The following RELN variants were observed in gnomAD, a reference collection of about 807,000 sequenced individuals.
The protein encoded by RELN is reelin.
RELN carries 108 observed loss-of-function variants against 427.6 expected under a neutral mutation model. The ratio of observed to expected loss-of-function variants is 0.25; its 90% CI spans 0.22 to 0.30. The LOEUF is 0.30. Ranked by LOEUF, RELN falls within the 10% of genes least tolerant of loss-of-function variation. The pLI is 1.00. For missense variants in RELN, 3,715 were observed against 4,302.8 expected, an observed-to-expected ratio of 0.86 and a Z score of 3.82; for synonymous variants, 1,524 against 1,513.4, an observed-to-expected ratio of 1.01 and a Z score of -0.16.
intron 1 of RELN, among the ~76,000 whole-genome samples, chr7:103,974,500 T>G (rs1238043736): frequency 6.8e-6 from 1 of 147,982 alleles, no homozygotes; most frequent in Admixed American, 6.7e-5. Flanking sequence ...CTACATTATC[T>G]ATAAGATTTG....
At chr7:103,863,511 T>C (rs1226075560) in intron 2 of RELN, among the ~76,000 whole-genome samples, 1 of 152,108 alleles carries the variant, frequency 6.6e-6, no homozygotes, top group Non-Finnish European at 1.5e-5. Flanking sequence ...ATGGGAGTAG[T>C]TTTTTAAACA....
chr7:103,848,648 G>C (rs369681431), intron 2 of RELN, among the ~76,000 whole-genome samples: 1 of 152,236 alleles, frequency 6.6e-6, no homozygotes, highest in African/African-American at 2.4e-5. Flanking sequence ...GTGTAAACTA[G>C]GTGACACGCC....
chr7:103,671,113 CCA>C, intron 11 of RELN, among the ~76,000 whole-genome samples: 2 of 152,220 alleles, frequency 1.3e-5, no homozygotes, highest in Non-Finnish European at 2.9e-5. Flanking sequence ...TGAAGACCTT[CCA>C]CATTCATTTA....
At chr7:103,801,474 A>C (rs1792464121) in intron 3 of RELN, among the ~76,000 whole-genome samples, 1 of 152,080 alleles carries the variant, frequency 6.6e-6, no homozygotes, top group South Asian at 2.1e-4. Context: ...GCAAACTATC[A>C]CAAGGACAGA....
rs1791933199 is a variant in RELN at position 103,783,120 on chromosome 7, C to G, written c.474-6493G>C. ...TCAATTCACCCTTTAAAATTCTTAT[C>G]CCTTTGTATCAGCAAATTACAGTAC... On this transcript the variant is annotated intron_variant, in intron 3 of 64. Transcript: ENST00000428762. 2.0e-5 allele frequency among the ~76,000 whole-genome samples: 3 copies of G among 151,264 alleles called. No homozygotes were observed. In the South Asian group the frequency reaches 6.3e-4, roughly 32 times the overall value.
At chr7:103,723,970 TA>T (rs1447058991) in intron 7 of RELN, among the ~76,000 whole-genome samples, 8 of 152,166 alleles carry the variant, frequency 5.3e-5, no homozygotes, top group Admixed American at 1.3e-4. Context: ...TCTTTAATTT[TA>T]AAATTTTATT....
chr7:103,595,335 T>C (rs1831513237), intron 25 of RELN, among the ~76,000 whole-genome samples: 1 of 152,210 alleles, frequency 6.6e-6, no homozygotes, highest in African/African-American at 2.4e-5. Flanking sequence ...CAAGGCTTCA[T>C]CTCCCACCCT....
chr7:103,534,893 C>A (rs564977056), intron 46 of RELN, among the ~76,000 whole-genome samples: 1 of 152,120 alleles, frequency 6.6e-6, no homozygotes, highest in Non-Finnish European at 1.5e-5. Flanking sequence ...TTATTTGCTA[C>A]ATTCATTTAT....
At position 103,561,566 on chromosome 7, in the gene RELN, G is replaced by A; in HGVS notation, c.5495C>T (p.Thr1832Ile). 1 of 1,613,796 alleles carries A rather than the reference G, an allele frequency of 6.2e-7. No homozygotes were observed. The highest frequency in any genetic ancestry group is 8.5e-7 in the Non-Finnish European group (1 of 1,179,790). ...GAERGNLNGE[T>I]IKSGTSLIFK... The stretch of plus-strand genomic sequence containing the variant: ...AATTAGAGATGTTCCAGATTTGATG[G>A]TTTCACCATTCAGATTCCCCCTCTC... Residue 1832 changes from threonine to isoleucine, a missense_variant, in exon 36 of 65, where the codon ACC becomes ATC. Coordinates refer to ENST00000428762, the MANE Select transcript of RELN (RefSeq NM_005045.4).
At chr7:103,723,257 GA>G in intron 7 of RELN, 66 bp from the exon 8 acceptor site, 1 of 942,770 alleles carries the variant, frequency 1.1e-6, no homozygotes, top group East Asian at 2.4e-5. Context: ...AAGATGCTGG[GA>G]GGGGTACGGG....
At chr7:103,656,225 T>C (rs1050947694) in intron 12 of RELN, among the ~76,000 whole-genome samples, 1 of 152,118 alleles carries the variant, frequency 6.6e-6, no homozygotes, top group Non-Finnish European at 1.5e-5. Flanking sequence ...TATATTTGGC[T>C]TTGAAAATAC....
intron 55 of RELN, among the ~76,000 whole-genome samples, chr7:103,497,098 A>G (rs1828865080): frequency 6.6e-6 from 1 of 152,236 alleles, no homozygotes; most frequent in Non-Finnish European, 1.5e-5. Flanking sequence ...GTTTCTAGGC[A>G]ATAGCTTTCA....
intron 16 of RELN, among the ~76,000 whole-genome samples, chr7:103,646,024 T>G (rs1832789417): frequency 6.6e-6 from 1 of 151,838 alleles, no homozygotes; most frequent in Non-Finnish European, 1.5e-5. Flanking sequence ...AACCTGCTCC[T>G]GAATGATCTT....
At chr7:103,852,426 A>C (rs943342776) in intron 2 of RELN, among the ~76,000 whole-genome samples, 29 of 152,178 alleles carry the variant, frequency 1.9e-4, no homozygotes, top group African/African-American at 7.0e-4. Flanking sequence ...TTGGTAAATT[A>C]TATGTAAACT....
At chr7:103,839,323 AACATAGAAC>A (rs938136250) in intron 2 of RELN, among the ~76,000 whole-genome samples, 1 of 61,340 alleles carries the variant, frequency 1.6e-5, no homozygotes. Context: ...TTTTTTTTTT[AACATAGAAC>A]ACTGGCATAT....
intron 2 of RELN, among the ~76,000 whole-genome samples, chr7:103,854,897 CA>C (rs1445107550): frequency 6.6e-6 from 1 of 152,090 alleles, no homozygotes; most frequent in Non-Finnish European, 1.5e-5. Context: ...AGTGCACAAA[CA>C]TCAATAATGC....
intron 4 of RELN, among the ~76,000 whole-genome samples, chr7:103,753,718 G>A (rs771502932): frequency 1.8e-4 from 27 of 152,158 alleles, no homozygotes; most frequent in Middle Eastern, 3.2e-3. Flanking sequence ...ATTTCCTAAC[G>A]TGAATTGTGT....
chr7:103,909,074 G>C (rs1337601952), intron 2 of RELN, among the ~76,000 whole-genome samples: 1 of 152,166 alleles, frequency 6.6e-6, no homozygotes, highest in Non-Finnish European at 1.5e-5. Context: ...ATTTAGGCTA[G>C]TAAATAAGTA....
At chr7:103,616,536 C>T (rs1035854479) in intron 20 of RELN, among the ~76,000 whole-genome samples, 6 of 151,928 alleles carry the variant, frequency 3.9e-5, no homozygotes, top group Admixed American at 6.6e-5. Flanking sequence ...AAAAACAACC[C>T]GATAATATAA....
Sources: allele counts gnomAD v4.1 joint callset (sites outside exome capture counted in the v4.1 genomes callset), GRCh38; gene constraint gnomAD v4.1.1; transcripts MANE v1.5; gene names NCBI Gene and HGNC (gene_info 2026-07-23, HGNC 2026-07-21).